The following MFHAS1 variants were observed in gnomAD, a reference collection of about 807,000 sequenced individuals.
The protein encoded by MFHAS1 is multifunctional ROCO family signaling regulator 1.
Under a neutral mutation model 70.4 loss-of-function variants are expected in MFHAS1, and 50 were observed. The ratio of observed to expected loss-of-function variants is 0.71; its 90% CI spans 0.57 to 0.90. The LOEUF is 0.90. Among genes scored for constraint, MFHAS1 ranks in the 40% least tolerant of loss-of-function variants. The pLI, the probability that MFHAS1 is intolerant of heterozygous loss-of-function variation, is 0.00. For missense variants in MFHAS1, 1,795 were observed against 1,347.6 expected, an observed-to-expected ratio of 1.33 and a Z score of -5.20; for synonymous variants, 952 against 620.0, an observed-to-expected ratio of 1.54 and a Z score of -7.96.
intron 1 of MFHAS1, among the ~76,000 whole-genome samples, chr8:8,861,599 TA>T (rs1388391018): frequency 1.3e-5 from 2 of 152,252 alleles, no homozygotes; most frequent in Non-Finnish European, 2.9e-5. Flanking sequence ...ATTTTACGTG[TA>T]ATAAAATTCA....
chr8:8,848,085 C>A (rs1808100091), intron 1 of MFHAS1, among the ~76,000 whole-genome samples: 1 of 152,174 alleles, frequency 6.6e-6, no homozygotes, highest in East Asian at 1.9e-4. Context: ...ACTGCTGGGA[C>A]AATCATCTGG....
At chr8:8,888,923 T>G (rs1809876617) in intron 1 of MFHAS1, among the ~76,000 whole-genome samples, 1 of 151,564 alleles carries the variant, frequency 6.6e-6, no homozygotes, top group East Asian at 1.9e-4. Flanking sequence ...GATGTTGACG[T>G]TGGTGAAGCT....
intron 1 of MFHAS1, among the ~76,000 whole-genome samples, chr8:8,884,766 C>A (rs7844068): frequency 6.6e-6 from 1 of 151,962 alleles, no homozygotes; most frequent in Non-Finnish European, 1.5e-5. Flanking sequence ...CTGAGCAACA[C>A]AGCGAAACCC....
intron 1 of MFHAS1, among the ~76,000 whole-genome samples, chr8:8,835,163 T>G (rs1807552306): frequency 7.0e-6 from 1 of 142,194 alleles, no homozygotes; most frequent in Admixed American, 7.5e-5. Context: ...ATTAGGGGAG[T>G]GAGGGTACAT....
chr8:8,850,079 TG>T (rs1808184658), intron 1 of MFHAS1, among the ~76,000 whole-genome samples: 1 of 152,260 alleles, frequency 6.6e-6, no homozygotes, highest in African/African-American at 2.4e-5. Flanking sequence ...TAATTTTGTA[TG>T]ATTCTTGACT....
Position 8,892,523 on chromosome 8 carries a change from C to A in MFHAS1, c.536G>T (p.Cys179Phe), listed in dbSNP as rs745897818. Residue 179 changes from cysteine (C) to phenylalanine (F), a missense_variant, in exon 1 of 3, where the codon TGC (cysteine) becomes TTC (phenylalanine). Physicochemically the swap from Cys to Phe is radical, Grantham distance 205. Coordinates refer to ENST00000276282, the MANE Select transcript of MFHAS1 (RefSeq NM_004225.3). The surrounding 1 kb of genome is among the most constrained non-coding windows in gnomAD (Gnocchi z 4.7). ...GTCCAGGGTGCGCAGGCGGGAGAGG[C>A]AGGAGAGGGAGTCAGGCAGGTGCGC... ...RLAHLPDSLS[C>F]LSRLRTLDVD... 9.4e-6 allele frequency: 15 copies of A among 1,596,616 alleles called. No homozygotes were observed. Among genetic ancestry groups the A allele is most frequent in the Non-Finnish European group, 4.3e-6 (5 of 1,171,806 alleles).
At chr8:8,871,705 G>C (rs879653577) in intron 1 of MFHAS1, among the ~76,000 whole-genome samples, 1 of 152,222 alleles carries the variant, frequency 6.6e-6, no homozygotes, top group African/African-American at 2.4e-5. Context: ...GGGAGGCCAA[G>C]TGGCTTCCCA....
In MFHAS1 at chr8:8,887,872, A is replaced by T. The variant is rs370324311; in HGVS notation, c.2998+2189T>A. On this transcript the variant is annotated intron_variant, in intron 1 of 2. Transcript: ENST00000276282. ...TAGCAAAAAAAACAAAAAAAAAAAA[A>T]AAAAAACCTCCAGCCTCGCCCCTAA... Among the ~76,000 whole-genome samples the T allele has an allele frequency of 2.0e-3, 306 of 151,008 alleles. 1 individual carries two copies. Among genetic ancestry groups the T allele is most frequent in the East Asian group, 5.0e-3 (26 of 5,182 alleles).
In MFHAS1 at chr8:8,892,895, T is replaced by G. The variant is rs1810139017; in HGVS notation, c.164A>C (p.Gln55Pro). Residue 55 changes from glutamine (Q) to proline (P), a missense_variant, in exon 1 of 3, where the codon CAG becomes CCG. Coordinates refer to ENST00000276282, the MANE Select transcript of MFHAS1 (RefSeq NM_004225.3). The surrounding 1 kb of genome is among the most constrained non-coding windows in gnomAD (Gnocchi z 4.7). ...ADALESPASP[Q>P]LVLPANLGDI... is the part of the protein sequence containing the mutation. ...CCCGAGGTTGGCCGGCAGCACGAGC[T>G]GGGGGGAGGCGGGGGACTCGAGCGC... The G allele has an allele frequency of 1.9e-6, 3 of 1,577,310 alleles. No individual in the cohort carries two copies. The highest frequency in any genetic ancestry group is 1.8e-5 in the Admixed American group (1 of 55,040).
At chr8:8,864,890 T>C (rs1283200054) in intron 1 of MFHAS1, among the ~76,000 whole-genome samples, 1 of 152,100 alleles carries the variant, frequency 6.6e-6, no homozygotes, top group Non-Finnish European at 1.5e-5. Flanking sequence ...ATCCAAAAAA[T>C]TACTTGAGAT....
intron 1 of MFHAS1, 21 bp from the exon 2 acceptor site, chr8:8,797,512 A>G (rs1805948670): frequency 6.2e-7 from 1 of 1,609,594 alleles, no homozygotes; most frequent in East Asian, 2.2e-5. Context: ...AGAGAGAAAA[A>G]CGTGTTAGGG....
At chr8:8,828,187 T>G (rs1272796627) in intron 1 of MFHAS1, among the ~76,000 whole-genome samples, 1 of 152,186 alleles carries the variant, frequency 6.6e-6, no homozygotes, top group Non-Finnish European at 1.5e-5. Flanking sequence ...CGTCAATCAT[T>G]TGTGTCGCTT....
intron 1 of MFHAS1, among the ~76,000 whole-genome samples, chr8:8,825,831 A>C (rs898685046): frequency 2.6e-5 from 4 of 152,152 alleles, no homozygotes; most frequent in African/African-American, 9.7e-5. Flanking sequence ...AAAATCCTGG[A>C]TGTCTTTTCT....
At chr8:8,847,368 G>A (rs1483027051) in intron 1 of MFHAS1, among the ~76,000 whole-genome samples, 1 of 152,152 alleles carries the variant, frequency 6.6e-6, no homozygotes, top group African/African-American at 2.4e-5. Context: ...TTTTAGTAGA[G>A]ACGGGGTTTC....
At chr8:8,848,774 C>G (rs1049031608) in intron 1 of MFHAS1, among the ~76,000 whole-genome samples, 1 of 152,282 alleles carries the variant, frequency 6.6e-6, no homozygotes. Flanking sequence ...GGCAAGCAGT[C>G]GGCCCACAGG....
rs2117235613 is a variant in MFHAS1, at chr8:8,785,061, A to G, written c.*961T>C. ...CTGCTAATAAGTAATATGTTTGCAAAGTGCTCTGCTAAGTAAGGTACTTAT... is the reference window on the plus strand; with the variant it reads ...CTGCTAATAAGTAATATGTTTGCAAGGTGCTCTGCTAAGTAAGGTACTTAT... On this transcript the variant is annotated 3_prime_UTR_variant, in exon 3 of 3. Coordinates refer to ENST00000276282, the MANE Select transcript of MFHAS1 (RefSeq NM_004225.3). The G allele has an allele frequency of 6.6e-6, 1 of 152,318 alleles. No individual in the cohort carries two copies. Among genetic ancestry groups the G allele is most frequent in the East Asian group, 1.9e-4 (1 of 5,180 alleles). 9.4% of individuals were successfully genotyped at this position (152,318 alleles called of 1,614,324 possible). A position where few individuals can be genotyped will look rare whatever the true frequency, so the allele number is the denominator to read the frequency against.
chr8:8,827,744 A>C (rs964168902), intron 1 of MFHAS1, among the ~76,000 whole-genome samples: 4 of 152,204 alleles, frequency 2.6e-5, no homozygotes, highest in African/African-American at 4.8e-5. Flanking sequence ...CTTTTAGGAA[A>C]GTTAGCCTTT....
At chr8:8,844,115 G>T (rs911574149) in intron 1 of MFHAS1, among the ~76,000 whole-genome samples, 1 of 152,174 alleles carries the variant, frequency 6.6e-6, no homozygotes, top group Non-Finnish European at 1.5e-5. Flanking sequence ...AGCCCAGAAT[G>T]CAGTGTCAGC....
rs147123199 is a variant in MFHAS1 at position 8,891,392 on chromosome 8, C to A, written c.1667G>T (p.Arg556Leu). 6 of 1,611,974 alleles carry A rather than the reference C, an allele frequency of 3.7e-6. No homozygotes were observed. Among genetic ancestry groups the A allele is most frequent in the African/African-American group, 1.3e-5 (1 of 74,930 alleles). ...GTGCTTCTCCTGCAGGGCGATCTGG[C>A]GGTGAATGTCCAGACATTTCTCCTC... ...ELEEKCLDIH[R>L]QIALQEKHDA... The change falls in exon 1 of 3, where the codon CGC (arginine) becomes CTC (leucine). Residue 556 changes from arginine (R) to leucine (L), a missense_variant. By Grantham distance (102) the Arg-to-Leu change is moderately radical. Transcript: ENST00000276282. The surrounding 1 kb of genome is among the most constrained non-coding windows in gnomAD (Gnocchi z 5.4).
Sources: allele counts gnomAD v4.1 joint callset (sites outside exome capture counted in the v4.1 genomes callset), GRCh38; gene constraint gnomAD v4.1.1; non-coding constraint Gnocchi (gnomAD v3.1); transcripts MANE v1.5; gene names NCBI Gene and HGNC (gene_info 2026-07-23, HGNC 2026-07-21).